Variants in CACNA1E observed in about 807,000 individuals in gnomAD.
The protein encoded by CACNA1E is voltage-dependent R-type calcium channel subunit alpha-1E.
A neutral mutation model predicts 259.2 loss-of-function variants in CACNA1E; 40 were observed. That is an observed-to-expected ratio of 0.15 (90% CI 0.12 to 0.20). CACNA1E has a LOEUF of 0.20. CACNA1E is among the 10% of genes least tolerant of loss of function. The pLI is 1.00. For synonymous variants in CACNA1E, 1,104 were observed against 1,138.5 expected, an observed-to-expected ratio of 0.97 and a Z score of 0.61; for missense variants, 1,874 against 3,040.1, an observed-to-expected ratio of 0.62 and a Z score of 9.02.
intron 7 of CACNA1E, among the ~76,000 whole-genome samples, chr1:181,695,818 G>C (rs1010467426): frequency 6.6e-6 from 1 of 152,250 alleles, no homozygotes; most frequent in South Asian, 2.1e-4. Context: ...ACCCAGGTGT[G>C]GTGGTGTCTG....
At chr1:181,566,520 A>C (rs576655593) in intron 3 of CACNA1E, among the ~76,000 whole-genome samples, 1 of 152,190 alleles carries the variant, frequency 6.6e-6, no homozygotes, top group African/African-American at 2.4e-5. Context: ...ATTGGTAGGA[A>C]CTTGACCTTT....
rs79493595 is a variant in CACNA1E, at chr1:181,519,339, A to G, written c.512+7829A>G. On this transcript the variant is annotated intron_variant, in intron 3 of 47. Coordinates refer to ENST00000367573, the MANE Select transcript of CACNA1E (RefSeq NM_001205293.3). ...ATAAATGTGTTGGTGTGAAATGTGA[A>G]AATGCAGCAGCACTATTTAATGTAT... 9.1e-4 allele frequency among the ~76,000 whole-genome samples: 138 copies of G among 152,294 alleles called. 1 individual carries two copies. In the East Asian group the frequency reaches 0.023, roughly 26 times the overall value.
Position 181,601,290 on chromosome 1 carries a change from G to A in CACNA1E, c.951+20514G>A, listed in dbSNP as rs565927707. On this transcript the variant is annotated intron_variant, in intron 6 of 47. Transcript: ENST00000367573. ...TTTTTAAAGCTTAATTTTTATTTCT[G>A]TAACTGTACTCCTTTTCATTCTACA... Among the ~76,000 whole-genome samples, 21 of 152,180 alleles carry A rather than the reference G, an allele frequency of 1.4e-4. 1 individual carries two copies. The South Asian group carries it at 1.9e-3, about 14-fold the overall frequency.
Position 181,756,032 on chromosome 1 carries a change from GACA to G in CACNA1E, c.4070_4072del (p.Asn1357del). 6.2e-7 allele frequency: 1 copy of G among 1,613,886 alleles called. No homozygotes were observed. ...ATGGAAGCGCCATGAATTCCACTAC[GACA>G]ACATTATCTGGGCCCTGCTGACCCT... On this transcript the variant is annotated inframe_deletion, in exon 29 of 48. Coordinates refer to ENST00000367573, the MANE Select transcript of CACNA1E (RefSeq NM_001205293.3).
intron 3 of CACNA1E, among the ~76,000 whole-genome samples, chr1:181,518,294 C>T (rs1666739725): frequency 1.3e-5 from 2 of 152,148 alleles, no homozygotes; most frequent in Admixed American, 6.5e-5. Flanking sequence ...AGCCTTACCA[C>T]TTTTCAGTTC....
chr1:181,693,763 C>T (rs1651436791), intron 7 of CACNA1E, among the ~76,000 whole-genome samples: 1 of 152,128 alleles, frequency 6.6e-6, no homozygotes, highest in Admixed American at 6.5e-5. Context: ...TGTAACAAAT[C>T]TGCACATGTA....
chr1:181,792,042 G>T (rs1661363811), intron 44 of CACNA1E, among the ~76,000 whole-genome samples: 1 of 152,052 alleles, frequency 6.6e-6, no homozygotes, highest in Non-Finnish European at 1.5e-5. Context: ...TCTTGATGAG[G>T]CAGGTAGGAA....
intron 2 of CACNA1E, among the ~76,000 whole-genome samples, chr1:181,454,418 G>T (rs1661333939): frequency 6.6e-6 from 1 of 152,174 alleles, no homozygotes; most frequent in Admixed American, 6.5e-5. Flanking sequence ...ATCTACAATA[G>T]GTGTATTTAG....
chr1:181,622,339 G>A (rs1377558712), intron 6 of CACNA1E, among the ~76,000 whole-genome samples: 1 of 152,210 alleles, frequency 6.6e-6, no homozygotes, highest in Non-Finnish European at 1.5e-5. Flanking sequence ...GATTATGAAG[G>A]TAATGTTAGA....
intron 6 of CACNA1E, among the ~76,000 whole-genome samples, chr1:181,638,772 C>A (rs1050507900): frequency 1.1e-4 from 17 of 152,198 alleles, no homozygotes; most frequent in Non-Finnish European, 2.5e-4. Context: ...CTCACAAGAT[C>A]TGGTGGTTTT....
chr1:181,663,737 C>A (rs1483209663), intron 7 of CACNA1E, among the ~76,000 whole-genome samples: 1 of 152,192 alleles, frequency 6.6e-6, no homozygotes, highest in Non-Finnish European at 1.5e-5. Flanking sequence ...AGCTTACAAG[C>A]ATTACAGACA....
intron 39 of CACNA1E, 74 bp from the exon 40 acceptor site, chr1:181,783,605 T>A: frequency 1.2e-6 from 1 of 841,560 alleles, no homozygotes; most frequent in Non-Finnish European, 2.0e-6. Flanking sequence ...TCTACCCTTT[T>A]CTTCCTTTCT....
At chr1:181,320,904 TA>T (rs941771695) in intron 1 of CACNA1E, among the ~76,000 whole-genome samples, 1 of 152,130 alleles carries the variant, frequency 6.6e-6, no homozygotes, top group African/African-American at 2.4e-5. Context: ...TAATTTATTT[TA>T]AAAAAAGAGG....
chr1:181,343,115 C>T lies in CACNA1E; in HGVS notation c.-15+24992C>T, dbSNP rs984698375. 1.1e-4 allele frequency among the ~76,000 whole-genome samples: 17 copies of T among 151,854 alleles called. 1 individual carries two copies. Among genetic ancestry groups the T allele is most frequent in the Admixed American group, 8.5e-4 (13 of 15,250 alleles). On this transcript the variant is annotated intron_variant, in intron 1 of 11. Transcript: ENST00000524607. ...ATGAGGGAGGCATCAGTTAGGATGC[C>T]TCCTGGAACTTGGCTTGAGCAACTG...
chr1:181,630,003 T>C (rs1406038002), intron 6 of CACNA1E, among the ~76,000 whole-genome samples: 4 of 152,010 alleles, frequency 2.6e-5, no homozygotes. Flanking sequence ...GTAATGTGTA[T>C]AGTATGATCC....
At chr1:181,698,924 A>G (rs148668725) in intron 7 of CACNA1E, among the ~76,000 whole-genome samples, 10 of 152,318 alleles carry the variant, frequency 6.6e-5, no homozygotes, top group African/African-American at 2.4e-4. Context: ...CAGAGGGACA[A>G]AGTCTCAATT....
At chr1:181,407,854 TAACTC>T (rs1480813260) in intron 1 of CACNA1E, among the ~76,000 whole-genome samples, 6 of 152,326 alleles carry the variant, frequency 3.9e-5, no homozygotes, top group Non-Finnish European at 5.9e-5. Flanking sequence ...TTTTTAGAAT[TAACTC>T]AACACGATAT....
intron 1 of CACNA1E, among the ~76,000 whole-genome samples, chr1:181,320,523 C>G (rs1386789626): frequency 6.6e-6 from 1 of 152,152 alleles, no homozygotes; most frequent in East Asian, 1.9e-4. Context: ...AATTGTTAAC[C>G]AATCCTATTA....
intron 10 of CACNA1E, 127 bp from the exon 11 acceptor site, chr1:181,716,966 C>G: frequency 1.4e-6 from 1 of 724,896 alleles, no homozygotes; most frequent in Admixed American, 2.2e-5. Flanking sequence ...ATGGGGATTC[C>G]CCACACCTGC....
Sources: allele counts gnomAD v4.1 joint callset (sites outside exome capture counted in the v4.1 genomes callset), GRCh38; gene constraint gnomAD v4.1.1; transcripts MANE v1.5; gene names NCBI Gene and HGNC (gene_info 2026-07-23, HGNC 2026-07-21).